KHDRBS2: variants seen among roughly 807,000 people sequenced by gnomAD.
KHDRBS2 encodes the protein KH RNA binding domain containing, signal transduction associated 2.
A neutral mutation model predicts 44.3 loss-of-function variants in KHDRBS2; 26 were observed. The observed-to-expected ratio is 0.59, with a 90% confidence interval of 0.43 to 0.81. KHDRBS2 has a LOEUF of 0.81. Ranked by LOEUF, KHDRBS2 falls within the 40% of genes least tolerant of loss-of-function variation. The probability of loss-of-function intolerance (pLI) is 0.00; values close to 1 mark genes in which losing one functional copy is unlikely to be tolerated. For missense variants in KHDRBS2, 476 were observed against 433.1 expected, an observed-to-expected ratio of 1.10 and a Z score of -0.88; for synonymous variants, 194 against 151.1, an observed-to-expected ratio of 1.28 and a Z score of -2.08.
the KHDRBS2 span, among the ~76,000 whole-genome samples, chr6:61,654,723 G>A: frequency 4.6e-5 from 7 of 151,194 alleles, no homozygotes; most frequent in Non-Finnish European, 7.4e-5. Flanking sequence ...GGAGCAAGTC[G>A]TAACTAACCC....
intron 2 of KHDRBS2, among the ~76,000 whole-genome samples, chr6:62,111,486 A>G (rs1464803024): frequency 6.6e-6 from 1 of 152,086 alleles, no homozygotes; most frequent in Non-Finnish European, 1.5e-5. Flanking sequence ...TGAACAGTAC[A>G]TTTAGGCAAT....
the KHDRBS2 span, among the ~76,000 whole-genome samples, chr6:61,575,466 G>A: frequency 2.0e-5 from 3 of 152,144 alleles, no homozygotes; most frequent in Non-Finnish European, 4.4e-5. Context: ...ATAGATGTTG[G>A]CACGTAAATG....
chr6:61,809,462 T>C (rs1020763741), intron 6 of KHDRBS2, among the ~76,000 whole-genome samples: 3 of 152,148 alleles, frequency 2.0e-5, no homozygotes, highest in Admixed American at 6.6e-5. Flanking sequence ...GCTTAGCTAT[T>C]GTAATATCTG....
chr6:62,233,598 C>T (rs2150160912), intron 1 of KHDRBS2, among the ~76,000 whole-genome samples: 2 of 152,132 alleles, frequency 1.3e-5, no homozygotes, highest in South Asian at 4.1e-4. Flanking sequence ...GATATTCAGC[C>T]TGGTACGCAT....
At chr6:61,999,715 T>C (rs1386013327) in intron 3 of KHDRBS2, among the ~76,000 whole-genome samples, 1 of 152,068 alleles carries the variant, frequency 6.6e-6, no homozygotes. Context: ...TAGCACAAAA[T>C]GAATTTTAAA....
intron 6 of KHDRBS2, among the ~76,000 whole-genome samples, chr6:61,849,932 T>C (rs918773248): frequency 4.6e-5 from 7 of 152,172 alleles, no homozygotes; most frequent in African/African-American, 1.7e-4. Flanking sequence ...ATTAATTTAC[T>C]AGCATCTCAA....
At chr6:62,173,879 C>A (rs1448637861) in intron 2 of KHDRBS2, among the ~76,000 whole-genome samples, 1 of 151,980 alleles carries the variant, frequency 6.6e-6, no homozygotes, top group Non-Finnish European at 1.5e-5. Context: ...ATGTTAAAAA[C>A]CCTGAACAGA....
At chr6:62,236,873 T>C (rs1833791299) in intron 1 of KHDRBS2, among the ~76,000 whole-genome samples, 1 of 152,176 alleles carries the variant, frequency 6.6e-6, no homozygotes, top group Non-Finnish European at 1.5e-5. Flanking sequence ...AACTTATTGG[T>C]AAATCCTCAA....
chr6:61,915,576 A>T (rs763642103), intron 4 of KHDRBS2, among the ~76,000 whole-genome samples: 2 of 151,984 alleles, frequency 1.3e-5, no homozygotes, highest in Non-Finnish European at 2.9e-5. Flanking sequence ...TTATATAATA[A>T]TTTATTCATA....
intron 2 of KHDRBS2, among the ~76,000 whole-genome samples, chr6:62,064,944 A>T (rs1793177794): frequency 1.3e-5 from 2 of 151,848 alleles, no homozygotes; most frequent in African/African-American, 4.8e-5. Flanking sequence ...AGAAAAAAAC[A>T]AACAACCCCA....
At chr6:61,636,840 C>G in the KHDRBS2 span, among the ~76,000 whole-genome samples, 1 of 152,022 alleles carries the variant, frequency 6.6e-6, no homozygotes, top group Non-Finnish European at 1.5e-5. Context: ...CTTTGAAATA[C>G]TAGGACCACA....
intron 2 of KHDRBS2, among the ~76,000 whole-genome samples, chr6:62,071,265 A>G (rs1054658972): frequency 1.1e-4 from 16 of 152,162 alleles, no homozygotes; most frequent in African/African-American, 3.4e-4. Context: ...AGTAGATTGC[A>G]AAAATTTTCT....
At chr6:62,070,380 G>GCA (rs1794732899) in intron 2 of KHDRBS2, among the ~76,000 whole-genome samples, 1 of 150,440 alleles carries the variant, frequency 6.6e-6, no homozygotes, top group Non-Finnish European at 1.5e-5. Flanking sequence ...GGATACATGT[G>GCA]CACAATGTGC....
intron 7 of KHDRBS2, among the ~76,000 whole-genome samples, chr6:61,715,024 T>A (rs1467040126): frequency 1.3e-5 from 2 of 151,864 alleles, no homozygotes; most frequent in Non-Finnish European, 2.9e-5. Flanking sequence ...CAACTATGCA[T>A]AGAACAAATC....
At chr6:62,103,035 A>C (rs1363776999) in intron 2 of KHDRBS2, among the ~76,000 whole-genome samples, 1 of 152,030 alleles carries the variant, frequency 6.6e-6, no homozygotes, top group African/African-American at 2.4e-5. Flanking sequence ...TGGGGTTTTT[A>C]TGAGCTCAAA....
intron 4 of KHDRBS2, among the ~76,000 whole-genome samples, chr6:61,945,105 A>T (rs1199752283): frequency 0.022 from 909 of 40,402 alleles, 59 homozygotes; most frequent in African/African-American, 0.062. Flanking sequence ...AAAAAAAAAA[A>T]AAAAAAAGTA....
At chr6:61,626,299 GATAC>G in the KHDRBS2 span, among the ~76,000 whole-genome samples, 1 of 152,206 alleles carries the variant, frequency 6.6e-6, no homozygotes. Flanking sequence ...TTCAGAGGTA[GATAC>G]ATGTGAGTAT....
intron 4 of KHDRBS2, among the ~76,000 whole-genome samples, chr6:61,949,711 T>A (rs1020776390): frequency 7.2e-5 from 11 of 152,116 alleles, no homozygotes; most frequent in African/African-American, 2.7e-4. Context: ...GTATTGTTTT[T>A]GTGTATTTGT....
At chr6:61,929,553 G>A (rs1253681562) in intron 4 of KHDRBS2, among the ~76,000 whole-genome samples, 2 of 152,098 alleles carry the variant, frequency 1.3e-5, no homozygotes. Flanking sequence ...TAAACTTGCT[G>A]GGAAATAGGA....
Sources: gnomAD v4.1 joint callset for allele counts (sites outside exome capture counted in the v4.1 genomes callset) on GRCh38, gnomAD v4.1.1 for gene constraint, MANE v1.5 for transcripts, NCBI Gene and HGNC (gene_info 2026-07-23, HGNC 2026-07-21) for gene names.